Variants in FLACC1 observed in about 807,000 individuals in gnomAD.
FLACC1 encodes flagellum-associated coiled-coil domain-containing protein 1.
A neutral mutation model predicts 62.8 loss-of-function variants in FLACC1; 66 were observed. The observed-to-expected ratio is 1.05, with a 90% CI of 0.86 to 1.29. The LOEUF (loss-of-function observed/expected upper bound fraction) is 1.29. Ranked by LOEUF, FLACC1 falls within the 50% of genes most tolerant of loss-of-function variation. The pLI, the probability that FLACC1 is intolerant of heterozygous loss-of-function variation, is 0.00. For synonymous variants in FLACC1, 156 were observed against 161.0 expected, an observed-to-expected ratio of 0.97 and a Z score of 0.24; for missense variants, 452 against 489.1, an observed-to-expected ratio of 0.92 and a Z score of 0.71.
intron 1 of FLACC1, among the ~76,000 whole-genome samples, chr2:201,355,146 A>G (rs1423630636): frequency 6.6e-6 from 1 of 152,028 alleles, no homozygotes; most frequent in Non-Finnish European, 1.5e-5. Context: ...TTAGCCAGGC[A>G]TGGTGGCACA....
chr2:201,342,472 C>G (rs1280843969), intron 6 of FLACC1, 41 bp from the exon 7 acceptor site: 4 of 1,599,280 alleles, frequency 2.5e-6, no homozygotes, highest in South Asian at 1.1e-5. Context: ...GACTGAGGAC[C>G]CTGTCCCATT....
intron 9 of FLACC1, among the ~76,000 whole-genome samples, chr2:201,314,240 CT>C (rs1950269568): frequency 6.6e-6 from 1 of 151,614 alleles, no homozygotes; most frequent in African/African-American, 2.4e-5. Context: ...TGACAAAGAA[CT>C]CATCAAGGAA....
In FLACC1 at chr2:201,288,626, A is replaced by ATCT. The variant is rs1408363231; in HGVS notation, c.*26_*28dup. 1 of 1,610,840 alleles carries ATCT rather than the reference A, an allele frequency of 6.2e-7. No individual in the cohort carries two copies. The highest frequency in any genetic ancestry group is 2.2e-5 in the East Asian group (1 of 44,838). On this transcript the variant is annotated 3_prime_UTR_variant, in exon 15 of 15. Coordinates refer to ENST00000392257, the MANE Select transcript of FLACC1 (RefSeq NM_001127391.3). ...GGCCTACAGAAATGGTGTGCCAACC[A>ATCT]TCTTCAACAATGCAGAGCAACTTTT...
chr2:201,288,439 C>A lies in FLACC1; in HGVS notation c.*216G>T. ...AGTACAAAACTCAGAGAAAGCTCAG[C>A]TCCCAGTATGGAGAGCATCATTTTT... is the stretch of plus-strand genomic sequence containing the variant. On this transcript the variant is annotated 3_prime_UTR_variant, in exon 15 of 15. Coordinates refer to ENST00000392257, the MANE Select transcript of FLACC1 (RefSeq NM_001127391.3). The A allele has an allele frequency of 2.2e-6, 1 of 450,262 alleles. No homozygotes were observed. Among genetic ancestry groups the A allele is most frequent in the South Asian group, 6.2e-5 (1 of 16,134 alleles). The allele number at this position is 450,262 out of a possible 1,614,324, so 27.9% of individuals were successfully genotyped here.
rs1308814004 is a variant in FLACC1, at chr2:201,325,267, C to CA, written c.675+5202dup. On this transcript the variant is annotated intron_variant, in intron 9 of 14. Coordinates refer to ENST00000392257, the MANE Select transcript of FLACC1 (RefSeq NM_001127391.3). ...GTCACACTGCAAGGAACTGGAGAAA[C>CA]AAAAAAAACGAAGTCCAAAGATAGA... Among the ~76,000 whole-genome samples, 5 of 150,820 alleles carry CA rather than the reference C, an allele frequency of 3.3e-5. No individual in the cohort carries two copies. In the East Asian group the frequency reaches 5.8e-4, roughly 18 times the overall value.
chr2:201,325,380 T>C (rs1468549284), intron 9 of FLACC1, among the ~76,000 whole-genome samples: 1 of 151,742 alleles, frequency 6.6e-6, no homozygotes, highest in Admixed American at 6.6e-5. Context: ...AGCTGGTTCT[T>C]TGAAAAAATA....
intron 9 of FLACC1, among the ~76,000 whole-genome samples, chr2:201,321,898 T>C (rs1950410316): frequency 6.6e-6 from 1 of 152,092 alleles, no homozygotes. Flanking sequence ...CCCACCTGCT[T>C]TAGCCACAGC....
chr2:201,363,430 CGGCAGATCTCTA>C, the FLACC1 span, among the ~76,000 whole-genome samples: 1 of 151,706 alleles, frequency 6.6e-6, no homozygotes, highest in Non-Finnish European at 1.5e-5. Context: ...TTTTGCACCC[CGGCAGATCTCTA>C]GGCATTAGGT....
rs118046952 is a variant in FLACC1 at position 201,346,718 on chromosome 2, T to G, written c.235-43A>C. The stretch of plus-strand genomic sequence containing the variant: ...GTAAGATAAAATGGCAGACTTGGAG[T>G]GCTGAGATTTTTCCAAATCTTCTCT... On this transcript the variant is annotated intron_variant, in intron 4 of 14. Coordinates refer to ENST00000392257, the MANE Select transcript of FLACC1 (RefSeq NM_001127391.3). The surrounding 1 kb of genome is among the most constrained non-coding windows in gnomAD (Gnocchi z 4.0). 6.2e-6 allele frequency: 10 copies of G among 1,611,708 alleles called. No individual in the cohort carries two copies. In the East Asian group the frequency reaches 2.2e-4, roughly 36 times the overall value.
In FLACC1 at chr2:201,356,240, A is replaced by G. The variant is rs1010950900; in HGVS notation, c.-48+742T>C. Among the ~76,000 whole-genome samples, 3 of 152,134 alleles carry G rather than the reference A, an allele frequency of 2.0e-5. No individual in the cohort carries two copies. In the East Asian group the frequency reaches 5.8e-4, roughly 29 times the overall value. On this transcript the variant is annotated intron_variant, in intron 1 of 14. Transcript: ENST00000392257. ...CAATGGTGTGGTCTTGGCTCACTGC[A>G]ACCTCTACCTCCGAGGTTCAAGCGA...
chr2:201,289,618 G>A (rs764042410), intron 13 of FLACC1, 52 bp from the exon 14 acceptor site: 71 of 1,611,800 alleles, frequency 4.4e-5, no homozygotes, highest in Admixed American at 8.3e-5. Context: ...AGCCATCCAG[G>A]GCAGAGCTAT....
At chr2:201,333,356 T>C (rs1230960216) in intron 7 of FLACC1, among the ~76,000 whole-genome samples, 2 of 152,220 alleles carry the variant, frequency 1.3e-5, no homozygotes, top group African/African-American at 4.8e-5. Flanking sequence ...TGTCTTCTTT[T>C]GAGAAATGTC....
intron 7 of FLACC1, among the ~76,000 whole-genome samples, chr2:201,339,180 G>C (rs1014123565): frequency 1.3e-5 from 2 of 151,984 alleles, no homozygotes; most frequent in African/African-American, 4.8e-5. Flanking sequence ...ATTTTTGCTA[G>C]ATTTTTTAGT....
In FLACC1 at chr2:201,324,892, G is replaced by T. The variant is rs958351950; in HGVS notation, c.675+5578C>A. ...GCCTGTAATTCTAGCACTTTGGGAG[G>T]CCAAACAGGTGGATCACTTGAGGCC... On this transcript the variant is annotated intron_variant, in intron 9 of 14. Coordinates refer to ENST00000392257, the MANE Select transcript of FLACC1 (RefSeq NM_001127391.3). 4.6e-5 allele frequency among the ~76,000 whole-genome samples: 7 copies of T among 152,256 alleles called. No individual in the cohort carries two copies. In the East Asian group the frequency reaches 1.2e-3, roughly 25 times the overall value.
intron 9 of FLACC1, among the ~76,000 whole-genome samples, chr2:201,316,159 G>C (rs901330770): frequency 1.3e-5 from 2 of 151,766 alleles, no homozygotes; most frequent in African/African-American, 4.8e-5. Flanking sequence ...AGAGAAACAA[G>C]AACAAACCAA....
At chr2:201,361,823 T>C (rs181744072), upstream of FLACC1, among the ~76,000 whole-genome samples, 8 of 152,342 alleles carry the variant, frequency 5.3e-5, no homozygotes, top group Non-Finnish European at 7.4e-5. Flanking sequence ...TGTGAAACAA[T>C]ACTTTGATTT....
intron 1 of FLACC1, chr2:201,351,775 C>T: frequency 5.3e-6 from 1 of 190,178 alleles, no homozygotes; most frequent in South Asian, 1.1e-4. Context: ...GAAACCCCGT[C>T]TCTACTGAAA....
chr2:201,330,178 C>G (rs1248313151), intron 9 of FLACC1, among the ~76,000 whole-genome samples: 14 of 152,132 alleles, frequency 9.2e-5, no homozygotes, highest in Non-Finnish European at 2.1e-4. Flanking sequence ...CAGGGGTTGT[C>G]TTTGGGTGGT....
intron 9 of FLACC1, among the ~76,000 whole-genome samples, chr2:201,315,786 A>G (rs1463369459): frequency 6.6e-6 from 1 of 152,190 alleles, no homozygotes; most frequent in Non-Finnish European, 1.5e-5. Context: ...TTTCTCCCAG[A>G]TAGACCATAT....
Sources: allele counts gnomAD v4.1 joint callset (sites outside exome capture counted in the v4.1 genomes callset), GRCh38; gene constraint gnomAD v4.1.1; non-coding constraint Gnocchi (gnomAD v3.1); transcripts MANE v1.5; gene names NCBI Gene and HGNC (gene_info 2026-07-23, HGNC 2026-07-21).